The following DPF3 variants were observed in gnomAD, a reference collection of about 807,000 sequenced individuals.
The protein encoded by DPF3 is zinc finger protein DPF3.
A neutral mutation model predicts 56.8 loss-of-function variants in DPF3; 18 were observed. The ratio of observed to expected loss-of-function variants is 0.32; its 90% CI spans 0.22 to 0.47. The LOEUF is 0.47. Ranked by LOEUF, DPF3 falls within the 20% of genes least tolerant of loss-of-function variation. The pLI, the probability that DPF3 is intolerant of heterozygous loss-of-function variation, is 1.00. For missense variants in DPF3, 403 were observed against 488.8 expected, an observed-to-expected ratio of 0.82 and a Z score of 1.65; for synonymous variants, 188 against 180.2, an observed-to-expected ratio of 1.04 and a Z score of -0.35.
intron 6 of DPF3, among the ~76,000 whole-genome samples, chr14:72,703,936 GA>G (rs2153574444): frequency 6.6e-6 from 1 of 152,312 alleles, no homozygotes; most frequent in African/African-American, 2.4e-5. Context: ...TCAGTATAAA[GA>G]AAATAAACAT....
chr14:72,779,157 G>A (rs377129816), intron 1 of DPF3, among the ~76,000 whole-genome samples: 1 of 152,196 alleles, frequency 6.6e-6, no homozygotes, highest in African/African-American at 2.4e-5. Flanking sequence ...CACTCACCTA[G>A]GGCAGGCATT....
intron 8 of DPF3, among the ~76,000 whole-genome samples, chr14:72,642,228 C>T (rs1885585913): frequency 6.6e-6 from 1 of 152,202 alleles, no homozygotes; most frequent in African/African-American, 2.4e-5. Flanking sequence ...CCCTCAGAAG[C>T]TATGAGATAA....
At chr14:72,743,268 G>C (rs2139880664) in intron 3 of DPF3, among the ~76,000 whole-genome samples, 1 of 152,298 alleles carries the variant, frequency 6.6e-6, no homozygotes, top group East Asian at 1.9e-4. Flanking sequence ...TCCAGGTACA[G>C]GAGGAGCGTC....
intron 1 of DPF3, among the ~76,000 whole-genome samples, chr14:72,882,771 C>T (rs1486580640): frequency 6.6e-6 from 1 of 152,162 alleles, no homozygotes; most frequent in Non-Finnish European, 1.5e-5. Flanking sequence ...CCCTGCCCTC[C>T]CCCTATCACC....
At position 72,616,984 on chromosome 14, in the gene DPF3, A is replaced by G. The variant is rs540417952; in HGVS notation, c.*2313T>C. 6.6e-6 allele frequency among the ~76,000 whole-genome samples: 1 copy of G among 152,240 alleles called. No individual in the cohort carries two copies. The highest frequency in any genetic ancestry group is 1.9e-4 in the East Asian group (1 of 5,162). ...TGGGCCCATTCTTCAGGGAGTAATG[A>G]AGCTGAGAGGGGAACTCCGGGGCCA... is the stretch of plus-strand genomic sequence containing the variant. On this transcript the variant is annotated 3_prime_UTR_variant, in exon 11 of 11. Coordinates refer to ENST00000556509, the MANE Select transcript of DPF3 (RefSeq NM_001280542.3).
At chr14:72,627,774 A>G in intron 9 of DPF3, among the ~76,000 whole-genome samples, 1 of 152,132 alleles carries the variant, frequency 6.6e-6, no homozygotes, top group East Asian at 1.9e-4. Flanking sequence ...AAGTCATTCT[A>G]TCCAAGATCA....
At chr14:72,777,930 T>C (rs1190081228) in intron 1 of DPF3, among the ~76,000 whole-genome samples, 2 of 152,204 alleles carry the variant, frequency 1.3e-5, no homozygotes, top group Non-Finnish European at 2.9e-5. Context: ...TATTTCTTTA[T>C]AGCAATACAA....
chr14:72,696,766 C>T (rs1002190526), intron 6 of DPF3, among the ~76,000 whole-genome samples: 4 of 152,240 alleles, frequency 2.6e-5, no homozygotes, highest in Admixed American at 2.6e-4. Flanking sequence ...GATTCTCAAA[C>T]AGTGGTCCCC....
intron 2 of DPF3, among the ~76,000 whole-genome samples, chr14:72,761,461 C>A (rs969459193): frequency 2.0e-5 from 3 of 151,922 alleles, no homozygotes; most frequent in Admixed American, 6.5e-5. Context: ...CAATACAGTT[C>A]TAAATAATCC....
intron 8 of DPF3, among the ~76,000 whole-genome samples, chr14:72,637,277 T>C (rs944995764): frequency 1.1e-4 from 17 of 152,226 alleles, no homozygotes; most frequent in African/African-American, 2.4e-4. Flanking sequence ...GCATACATCA[T>C]GGTTGGTCTT....
intron 7 of DPF3, among the ~76,000 whole-genome samples, chr14:72,678,895 A>G (rs748619370): frequency 6.6e-6 from 1 of 152,248 alleles, no homozygotes; most frequent in Non-Finnish European, 1.5e-5. Flanking sequence ...AAAAAGCTCA[A>G]AGGAAAAAAA....
intron 6 of DPF3, among the ~76,000 whole-genome samples, chr14:72,698,650 G>A (rs1888016148): frequency 6.6e-6 from 1 of 152,214 alleles, no homozygotes; most frequent in Non-Finnish European, 1.5e-5. Flanking sequence ...TCACACCACG[G>A]CACTCTAGCC....
rs1428018107 is a variant in DPF3 at position 72,611,439 on chromosome 14, T to C, written c.*7858A>G. On this transcript the variant is annotated 3_prime_UTR_variant, in exon 11 of 11. Coordinates refer to ENST00000556509, the MANE Select transcript of DPF3 (RefSeq NM_001280542.3). ...GTTTCATCCCTGCACACACCAGCAG[T>C]GCCAGATACAGGCGTGGGGCAGCTG... 1.3e-5 allele frequency among the ~76,000 whole-genome samples: 2 copies of C among 152,160 alleles called. No homozygotes were observed. The highest frequency in any genetic ancestry group is 2.9e-5 in the Non-Finnish European group (2 of 68,022).
At chr14:72,876,804 A>G (rs991314849) in intron 1 of DPF3, among the ~76,000 whole-genome samples, 1 of 152,120 alleles carries the variant, frequency 6.6e-6, no homozygotes, top group Non-Finnish European at 1.5e-5. Flanking sequence ...CTGTCTTCCA[A>G]TTTCAAGGAC....
rs111366346 is a variant in DPF3 at position 72,724,715 on chromosome 14, T to G, written c.430-987A>C. ...GGCCCAGAGGGGTTTTTGTTTGTTT[T>G]TTTTTTTTTCTGAGACAGGGACTCA... On this transcript the variant is annotated intron_variant, in intron 4 of 10. Transcript: ENST00000556509. 9.7e-4 allele frequency among the ~76,000 whole-genome samples: 145 copies of G among 149,416 alleles called. 1 individual carries two copies. The highest frequency in any genetic ancestry group is 2.1e-3 in the African/African-American group (86 of 40,694).
chr14:72,888,579 A>C (rs776552509), intron 1 of DPF3, among the ~76,000 whole-genome samples: 18 of 152,232 alleles, frequency 1.2e-4, no homozygotes, highest in Non-Finnish European at 2.5e-4. Flanking sequence ...ATCTTTGCAG[A>C]GTTCCATACC....
chr14:72,629,769 C>T (rs758237987), intron 8 of DPF3, 33 bp from the exon 9 acceptor site: 1 of 1,487,474 alleles, frequency 6.7e-7, no homozygotes, highest in Non-Finnish European at 9.1e-7. Flanking sequence ...GCATTAGGGC[C>T]AAAGTATGAA....
At chr14:72,718,391 G>A (rs1186938988) in intron 5 of DPF3, among the ~76,000 whole-genome samples, 1 of 152,152 alleles carries the variant, frequency 6.6e-6, no homozygotes, top group Non-Finnish European at 1.5e-5. Context: ...GGGGATCCCT[G>A]AGTGTCCTTT....
intron 1 of DPF3, among the ~76,000 whole-genome samples, chr14:72,809,603 GGC>G (rs1265281193): frequency 2.0e-4 from 30 of 152,328 alleles, no homozygotes; most frequent in South Asian, 1.7e-3. Context: ...TGTGGCTGAT[GGC>G]AGGTCCTCGG....
Sources: gnomAD v4.1 joint callset for allele counts (sites outside exome capture counted in the v4.1 genomes callset) on GRCh38, gnomAD v4.1.1 for gene constraint, MANE v1.5 for transcripts, NCBI Gene and HGNC (gene_info 2026-07-23, HGNC 2026-07-21) for gene names.